GSTCD: variants seen among roughly 807,000 people sequenced by gnomAD.
GSTCD encodes the protein glutathione S-transferase C-terminal domain-containing protein.
In GSTCD, 44 loss-of-function variants were observed where a neutral mutation model predicts 68.3. The observed-to-expected ratio is 0.64, with a 90% CI of 0.51 to 0.83. GSTCD has a LOEUF of 0.83. GSTCD is among the 40% of genes least tolerant of loss of function. The pLI is 0.00. For synonymous variants in GSTCD, 273 were observed against 255.2 expected (o/e 1.07, Z -0.67); for missense variants, 739 against 735.9 (o/e 1.00, Z -0.05).
chr4:105,732,680 CTCTA>C (rs1305334007), intron 5 of GSTCD, among the ~76,000 whole-genome samples: 8 of 152,090 alleles, frequency 5.3e-5, no homozygotes, highest in African/African-American at 1.9e-4. Flanking sequence ...TTTTTTGTGT[CTCTA>C]TCTCCTTCAG....
chr4:105,712,888 G>C (rs865912195), intron 1 of GSTCD, among the ~76,000 whole-genome samples: 18 of 152,280 alleles, frequency 1.2e-4, no homozygotes, highest in African/African-American at 3.9e-4. Context: ...ATGTCAAGTA[G>C]AATATAGTAG....
At chr4:105,834,943 C>A (rs750342699) in intron 9 of GSTCD, among the ~76,000 whole-genome samples, 3 of 152,112 alleles carry the variant, frequency 2.0e-5, no homozygotes, top group Non-Finnish European at 4.4e-5. Flanking sequence ...GTGTTTAGGA[C>A]CTGGAAGTAT....
intron 5 of GSTCD, among the ~76,000 whole-genome samples, chr4:105,821,912 T>C (rs1438311832): frequency 6.6e-6 from 1 of 151,868 alleles, no homozygotes; most frequent in Non-Finnish European, 1.5e-5. Flanking sequence ...AAATAATATT[T>C]TCCTGTGCTT....
At chr4:105,752,818 A>T (rs990289546) in intron 5 of GSTCD, among the ~76,000 whole-genome samples, 1 of 152,070 alleles carries the variant, frequency 6.6e-6, no homozygotes, top group Non-Finnish European at 1.5e-5. Context: ...TGTTTCAGAG[A>T]TCATTTTGCT....
intron 5 of GSTCD, among the ~76,000 whole-genome samples, chr4:105,781,138 C>T (rs556743954): frequency 1.3e-5 from 2 of 152,234 alleles, no homozygotes; most frequent in Non-Finnish European, 2.9e-5. Flanking sequence ...TCACCCAGTA[C>T]TTTGATATTT....
intron 5 of GSTCD, among the ~76,000 whole-genome samples, chr4:105,786,360 A>C (rs1436547204): frequency 6.6e-6 from 1 of 151,960 alleles, no homozygotes; most frequent in East Asian, 1.9e-4. Context: ...AAAGTACAAA[A>C]AATTAGCCAA....
rs577961801 is a variant in GSTCD at position 105,774,676 on chromosome 4, G to A, written c.1240+45177G>A. On this transcript the variant is annotated intron_variant, in intron 5 of 11. Transcript: ENST00000515279. ...TTTTCTTTAAGAATGTTGAATATTGGTCCCCACTCTCTTCTGGCTTGTAGG... is the reference window on the plus strand; with the variant it reads ...TTTTCTTTAAGAATGTTGAATATTGATCCCCACTCTCTTCTGGCTTGTAGG... Among the ~76,000 whole-genome samples, 16 of 152,222 alleles carry A rather than the reference G, an allele frequency of 1.1e-4. No homozygotes were observed. In the South Asian group the frequency reaches 3.3e-3, roughly 32 times the overall value.
chr4:105,807,649 C>A (rs1444083020), intron 5 of GSTCD, among the ~76,000 whole-genome samples: 1 of 152,074 alleles, frequency 6.6e-6, no homozygotes, highest in Non-Finnish European at 1.5e-5. Flanking sequence ...AACAGAATGA[C>A]TCAAATATTT....
intron 5 of GSTCD, among the ~76,000 whole-genome samples, chr4:105,797,045 C>CGTGTGTGT (rs527275501): frequency 0.013 from 1,764 of 140,412 alleles, 26 homozygotes; most frequent in African/African-American, 0.027. Context: ...GACAGAGATA[C>CGTGTGTGT]ATGTGTGTGT....
At chr4:105,763,281 A>G (rs1287046243) in intron 5 of GSTCD, among the ~76,000 whole-genome samples, 1 of 152,150 alleles carries the variant, frequency 6.6e-6, no homozygotes, top group Admixed American at 6.5e-5. Flanking sequence ...AAAGGAAATA[A>G]CTATACTTAA....
chr4:105,790,078 G>C (rs1455810980), intron 5 of GSTCD, among the ~76,000 whole-genome samples: 1 of 152,042 alleles, frequency 6.6e-6, no homozygotes, highest in Non-Finnish European at 1.5e-5. Flanking sequence ...ATTATTACTA[G>C]TTTTGCTTTT....
rs567763621 is a variant in GSTCD at position 105,847,248 on chromosome 4, T to A, written c.*1671T>A. The stretch of plus-strand genomic sequence containing the variant: ...CATGTATCATGAGGAGAAAGCACTA[T>A]CATTGATCATCACTATGGATTAAAA... On this transcript the variant is annotated 3_prime_UTR_variant, in exon 12 of 12. Coordinates refer to ENST00000515279, the MANE Select transcript of GSTCD (RefSeq NM_001370181.1). 22 of 151,668 alleles carry A rather than the reference T, an allele frequency of 1.5e-4. No homozygotes were observed. Among genetic ancestry groups the A allele is most frequent in the African/African-American group, 4.6e-4 (19 of 41,310 alleles). 9.4% of individuals were successfully genotyped at this position (151,668 alleles called of 1,614,324 possible). A position where few individuals can be genotyped will look rare whatever the true frequency, so the allele number is the denominator to read the frequency against.
chr4:105,780,454 A>G (rs1162706160), intron 5 of GSTCD, among the ~76,000 whole-genome samples: 1 of 152,200 alleles, frequency 6.6e-6, no homozygotes, highest in East Asian at 1.9e-4. Context: ...CTTACAGGAA[A>G]TTTTACTATA....
chr4:105,751,881 C>T (rs1375363765), intron 5 of GSTCD, among the ~76,000 whole-genome samples: 1 of 152,112 alleles, frequency 6.6e-6, no homozygotes, highest in Admixed American at 6.5e-5. Context: ...TCATTTTGAA[C>T]TTTAAATTTA....
intron 5 of GSTCD, among the ~76,000 whole-genome samples, chr4:105,732,276 C>G (rs1346892293): frequency 6.6e-6 from 1 of 152,158 alleles, no homozygotes; most frequent in East Asian, 1.9e-4. Flanking sequence ...GTACCAGCTC[C>G]TCCTTGTACC....
intron 5 of GSTCD, among the ~76,000 whole-genome samples, chr4:105,815,752 A>C (rs1023237137): frequency 3.3e-5 from 5 of 152,162 alleles, no homozygotes; most frequent in Non-Finnish European, 5.9e-5. Context: ...TTGTTAACTT[A>C]AGCCTCTGAA....
intron 8 of GSTCD, among the ~76,000 whole-genome samples, chr4:105,833,029 C>G (rs141093809): frequency 1.3e-5 from 2 of 152,288 alleles, no homozygotes; most frequent in African/African-American, 4.8e-5. Flanking sequence ...TTGTTGACTT[C>G]TATGTGGCTC....
chr4:105,710,132 T>A (rs1732474781), intron 1 of GSTCD, among the ~76,000 whole-genome samples: 1 of 151,844 alleles, frequency 6.6e-6, no homozygotes, highest in Non-Finnish European at 1.5e-5. Flanking sequence ...GATTTGAGAA[T>A]CATCATTTCT....
intron 5 of GSTCD, among the ~76,000 whole-genome samples, chr4:105,814,987 AT>A (rs1265278392): frequency 6.6e-6 from 1 of 152,226 alleles, no homozygotes; most frequent in African/African-American, 2.4e-5. Context: ...TTTAATAACC[AT>A]TCTCTATTTT....
Sources: allele counts gnomAD v4.1 joint callset (sites outside exome capture counted in the v4.1 genomes callset), GRCh38; gene constraint gnomAD v4.1.1; transcripts MANE v1.5; gene names NCBI Gene and HGNC (gene_info 2026-07-23, HGNC 2026-07-21).